SLC45A4: variants seen among roughly 807,000 people sequenced by gnomAD.
SLC45A4 encodes solute carrier family 45 member 4, also known as polyamine-transporter SLC45A4.
SLC45A4 carries 32 observed loss-of-function variants against 63.7 expected under a neutral mutation model. The ratio of observed to expected loss-of-function variants is 0.50; its 90% CI spans 0.38 to 0.67. The LOEUF (loss-of-function observed/expected upper bound fraction) is 0.67, where lower values mean the gene tolerates loss of function less well. SLC45A4 is among the 30% of genes least tolerant of loss of function. The pLI is 0.00. For synonymous variants in SLC45A4, 535 were observed against 510.0 expected (o/e 1.05, Z -0.66); for missense variants, 1,027 against 1,157.7 (o/e 0.89, Z 1.64).
At chr8:141,212,644 C>T in intron 7 of SLC45A4, 88 bp from the exon 8 acceptor site, 2 of 1,431,944 alleles carry the variant, frequency 1.4e-6, no homozygotes, top group African/African-American at 1.4e-5. Flanking sequence ...ACCCACAAGC[C>T]TGGAAACATG....
At chr8:141,221,880 T>G in intron 2 of SLC45A4, 115 bp from the exon 3 acceptor site, 1 of 1,083,696 alleles carries the variant, frequency 9.2e-7, no homozygotes, top group Non-Finnish European at 1.3e-6. Context: ...CATGCGCACA[T>G]CCCCTGCTCA....
intron 2 of SLC45A4, among the ~76,000 whole-genome samples, chr8:141,222,544 G>A (rs1207763809): frequency 2.6e-5 from 4 of 152,194 alleles, no homozygotes; most frequent in Non-Finnish European, 2.9e-5. Flanking sequence ...TCCAGCCCAG[G>A]GCTACCTGAT....
At chr8:141,287,634 T>C (rs1484814830) in intron 1 of SLC45A4, among the ~76,000 whole-genome samples, 2 of 152,232 alleles carry the variant, frequency 1.3e-5, no homozygotes, top group East Asian at 3.8e-4. Context: ...GCGGCATCTT[T>C]TCAGTCTAGC....
intron 7 of SLC45A4, 76 bp from the exon 8 acceptor site, chr8:141,212,632 T>G: frequency 6.8e-7 from 1 of 1,464,826 alleles, no homozygotes; most frequent in Non-Finnish European, 9.1e-7. Flanking sequence ...CTGTGAGTAT[T>G]AACCCACAAG....
At chr8:141,255,479 G>A (rs1254431092) in intron 1 of SLC45A4, among the ~76,000 whole-genome samples, 1 of 152,214 alleles carries the variant, frequency 6.6e-6, no homozygotes, top group Non-Finnish European at 1.5e-5. Context: ...ACATTGGGGG[G>A]CTGAAGCAGG....
In SLC45A4 at chr8:141,292,380, C is replaced by T. The variant is rs376114142; in HGVS notation, c.-401+15716G>A. 1.7e-3 allele frequency among the ~76,000 whole-genome samples: 263 copies of T among 152,368 alleles called. 1 individual carries two copies. The highest frequency in any genetic ancestry group is 6.1e-3 in the African/African-American group (254 of 41,596). ...CTCCCTCCCCAAGGCTCTAAGTTAC[C>T]GTAAACTTATGGCCACAGCTCCCAC... On this transcript the variant is annotated intron_variant, in intron 1 of 8. Coordinates refer to ENST00000517878, the MANE Select transcript of SLC45A4 (RefSeq NM_001286646.2).
At chr8:141,226,616 T>C (rs116586702) in intron 2 of SLC45A4, 5,015 of 152,426 alleles carry the variant, frequency 0.033, 295 homozygotes, top group African/African-American at 0.11. Flanking sequence ...TCGGGAGTGG[T>C]CACGGGGTGA....
chr8:141,280,080 A>G (rs563725496), intron 1 of SLC45A4, among the ~76,000 whole-genome samples: 8 of 152,292 alleles, frequency 5.3e-5, no homozygotes, highest in Non-Finnish European at 1.0e-4. Context: ...TCGACTCCCC[A>G]GGCACCTCCT....
chr8:141,304,459 G>A (rs748491471), intron 1 of SLC45A4, among the ~76,000 whole-genome samples: 11 of 151,662 alleles, frequency 7.3e-5, no homozygotes, highest in Non-Finnish European at 1.0e-4. Context: ...TTCGGGAGGC[G>A]GAGGCAAAAG....
At position 141,272,523 on chromosome 8, in the gene SLC45A4, G is replaced by A. The variant is rs146005790; in HGVS notation, c.-400-17894C>T. Among the ~76,000 whole-genome samples, 54 of 152,290 alleles carry A rather than the reference G, an allele frequency of 3.5e-4. No individual in the cohort carries two copies. The East Asian group carries it at 7.1e-3, about 20-fold the overall frequency. ...CCGCTGTCAGTACTGTGAACAGGGC[G>A]GTACCTTACAACACAGAGTCAGACC... is the stretch of plus-strand genomic sequence containing the variant. On this transcript the variant is annotated intron_variant, in intron 1 of 8. Coordinates refer to ENST00000517878, the MANE Select transcript of SLC45A4 (RefSeq NM_001286646.2).
chr8:141,277,639 T>G (rs4961350), intron 1 of SLC45A4, among the ~76,000 whole-genome samples: 58,289 of 151,474 alleles, frequency 0.38, 11,581 homozygotes, highest in African/African-American at 0.49. Context: ...TTGTGTTATC[T>G]TTAAACATTT....
intron 2 of SLC45A4, among the ~76,000 whole-genome samples, chr8:141,237,027 G>A (rs530899410): frequency 3.3e-5 from 5 of 151,984 alleles, no homozygotes; most frequent in East Asian, 3.9e-4. Flanking sequence ...ATCATTTTTC[G>A]GCAGAAATAA....
rs1259959418 is a variant in SLC45A4, at chr8:141,218,688, G to A, written c.952C>T (p.Leu318=). The change falls in exon 5 of 9, where the codon CTG becomes TTG. Residue 318 remains leucine (L), a synonymous_variant. Coordinates refer to ENST00000517878, the MANE Select transcript of SLC45A4 (RefSeq NM_001286646.2). Reference sequence around the variant, plus strand: ...AACAGCAGCTCGGGCTCCAGGTCCAGCGCGGTGTCCGGCACGTGCAATGCC... The same window carrying A: ...AACAGCAGCTCGGGCTCCAGGTCCAACGCGGTGTCCGGCACGTGCAATGCC... The part of the protein sequence containing the change: ...DSALHVPDTA[L]DLEPELLFLH... 6.2e-7 allele frequency: 1 copy of A among 1,612,778 alleles called. No homozygotes were observed.
At chr8:141,306,669 C>T (rs1830906868) in intron 1 of SLC45A4, among the ~76,000 whole-genome samples, 2 of 152,298 alleles carry the variant, frequency 1.3e-5, no homozygotes, top group South Asian at 2.1e-4. Context: ...AAAGCCAGCA[C>T]AAAATAACAG....
Position 141,278,887 on chromosome 8 carries a change from G to A in SLC45A4, c.-400-24258C>T, listed in dbSNP as rs1023271250. ...CCCAGGCACATTTCACTGCCAGGCT[G>A]CTGGGGGCCAGGGCTCCAGCCTCCA... is the stretch of plus-strand genomic sequence containing the variant. On this transcript the variant is annotated intron_variant, in intron 1 of 8. Transcript: ENST00000517878. This position sits in a 1 kb window ranked among gnomAD's most constrained non-coding sequence, Gnocchi z 4.1. Among the ~76,000 whole-genome samples the A allele has an allele frequency of 6.6e-6, 1 of 152,218 alleles. No individual in the cohort carries two copies. The highest frequency in any genetic ancestry group is 6.5e-5 in the Admixed American group (1 of 15,286).
At chr8:141,273,705 T>C (rs1293163446) in intron 1 of SLC45A4, among the ~76,000 whole-genome samples, 2 of 152,078 alleles carry the variant, frequency 1.3e-5, no homozygotes, top group African/African-American at 4.8e-5. Context: ...GGTTCTTCCA[T>C]GTAAAATCAA....
chr8:141,292,425 G>A (rs557771276), intron 1 of SLC45A4, among the ~76,000 whole-genome samples: 1 of 152,390 alleles, frequency 6.6e-6, no homozygotes, highest in East Asian at 1.9e-4. Context: ...AACCACACAA[G>A]GAGGCCGTGG....
At chr8:141,231,535 C>T (rs562829184) in intron 2 of SLC45A4, among the ~76,000 whole-genome samples, 1 of 152,234 alleles carries the variant, frequency 6.6e-6, no homozygotes, top group South Asian at 2.1e-4. Context: ...TCGGATGCCA[C>T]GTGGGGGAGC....
chr8:141,233,461 C>T (rs898165951), intron 2 of SLC45A4, among the ~76,000 whole-genome samples: 1 of 152,082 alleles, frequency 6.6e-6, no homozygotes, highest in Non-Finnish European at 1.5e-5. Flanking sequence ...TGAGGCAGAT[C>T]ACTTGAGGCC....
Sources: gnomAD v4.1 joint callset for allele counts (sites outside exome capture counted in the v4.1 genomes callset) on GRCh38, gnomAD v4.1.1 for gene constraint, Gnocchi (gnomAD v3.1) non-coding constraint, MANE v1.5 for transcripts, NCBI Gene and HGNC (gene_info 2026-07-23, HGNC 2026-07-21) for gene names.